The following SCFD2 variants were observed in gnomAD, a reference collection of about 807,000 sequenced individuals.
The protein encoded by SCFD2 is sec1 family domain-containing protein 2.
SCFD2 carries 54 observed loss-of-function variants against 58.9 expected under a neutral mutation model. That is an observed-to-expected ratio of 0.92 (90% confidence interval 0.74 to 1.15). The LOEUF (loss-of-function observed/expected upper bound fraction) is 1.15, where lower values mean the gene tolerates loss of function less well. SCFD2 is among the 50% of genes most tolerant of loss of function. The pLI is 0.00. For missense variants in SCFD2, 805 were observed against 836.6 expected (o/e 0.96, Z 0.47); for synonymous variants, 321 against 335.9 (o/e 0.96, Z 0.49).
At chr4:52,976,485 C>T (rs1721263684) in intron 5 of SCFD2, among the ~76,000 whole-genome samples, 1 of 152,142 alleles carries the variant, frequency 6.6e-6, no homozygotes, top group Non-Finnish European at 1.5e-5. Context: ...ATCTACCTCA[C>T]AGGGATTCAC....
chr4:53,249,503 G>A (rs933677198), intron 4 of SCFD2, among the ~76,000 whole-genome samples: 2 of 152,126 alleles, frequency 1.3e-5, no homozygotes, highest in Non-Finnish European at 2.9e-5. Flanking sequence ...ACACATAATT[G>A]TCAGATTCAC....
At chr4:53,311,885 C>T (rs1051891360) in intron 3 of SCFD2, among the ~76,000 whole-genome samples, 16 of 152,100 alleles carry the variant, frequency 1.1e-4, no homozygotes, top group East Asian at 5.8e-4. Context: ...CCGCCTGCCT[C>T]GGCCTCCCAA....
intron 7 of SCFD2, among the ~76,000 whole-genome samples, chr4:52,886,384 C>T (rs1169813248): frequency 6.6e-6 from 1 of 152,226 alleles, no homozygotes; most frequent in Non-Finnish European, 1.5e-5. Flanking sequence ...CAATAAAATT[C>T]TTCTCCACGC....
At chr4:53,255,698 A>G (rs1730587488) in intron 4 of SCFD2, among the ~76,000 whole-genome samples, 1 of 152,158 alleles carries the variant, frequency 6.6e-6, no homozygotes, top group African/African-American at 2.4e-5. Flanking sequence ...CTCCATTGTC[A>G]TCATGGCCCG....
intron 5 of SCFD2, among the ~76,000 whole-genome samples, chr4:53,028,145 G>T (rs1475123646): frequency 1.3e-5 from 2 of 152,010 alleles, no homozygotes; most frequent in African/African-American, 4.8e-5. Context: ...TACTTAGGAG[G>T]CTGAGGCATG....
chr4:53,256,261 CAGAGGCGCTCCT>C (rs1209726058), intron 4 of SCFD2, among the ~76,000 whole-genome samples: 4 of 122,768 alleles, frequency 3.3e-5, no homozygotes, highest in African/African-American at 9.3e-5. Flanking sequence ...GGCAGCCGGG[CAGAGGCGCTCCT>C]CACATCCCAG....
intron 5 of SCFD2, among the ~76,000 whole-genome samples, chr4:53,099,796 C>G (rs1191613691): frequency 6.6e-6 from 1 of 152,150 alleles, no homozygotes; most frequent in Non-Finnish European, 1.5e-5. Flanking sequence ...TAGGGACTAC[C>G]TCCAACACCG....
At chr4:53,009,178 T>A (rs1722043480) in intron 5 of SCFD2, among the ~76,000 whole-genome samples, 1 of 152,224 alleles carries the variant, frequency 6.6e-6, no homozygotes, top group African/African-American at 2.4e-5. Context: ...CAGTATTGAT[T>A]GGCTCTAGAA....
chr4:53,348,229 A>G (rs1315209991), intron 2 of SCFD2, among the ~76,000 whole-genome samples: 1 of 152,250 alleles, frequency 6.6e-6, no homozygotes, highest in Non-Finnish European at 1.5e-5. Context: ...ATTGCTATAA[A>G]CAGCCTTTTA....
At chr4:53,154,817 T>A (rs534935114) in intron 4 of SCFD2, among the ~76,000 whole-genome samples, 22 of 149,250 alleles carry the variant, frequency 1.5e-4, no homozygotes, top group South Asian at 1.1e-3. Context: ...AATAGAGGAC[T>A]TTTCCTGGCT....
intron 5 of SCFD2, among the ~76,000 whole-genome samples, chr4:53,045,100 T>C (rs994078804): frequency 1.3e-5 from 2 of 152,168 alleles, no homozygotes; most frequent in African/African-American, 4.8e-5. Context: ...GATGACAAAG[T>C]GTGATCCCCA....
intron 4 of SCFD2, among the ~76,000 whole-genome samples, chr4:53,199,492 A>G (rs1348035625): frequency 6.6e-6 from 1 of 152,146 alleles, no homozygotes; most frequent in Non-Finnish European, 1.5e-5. Flanking sequence ...ATCATTGTTT[A>G]TTCATAACTA....
intron 2 of SCFD2, among the ~76,000 whole-genome samples, chr4:53,324,467 T>G (rs967562409): frequency 9.9e-5 from 13 of 131,034 alleles, no homozygotes; most frequent in African/African-American, 3.7e-4. Context: ...GGGACAGAAA[T>G]GACTGTCAAA....
At chr4:53,184,624 T>C (rs938467426) in intron 4 of SCFD2, among the ~76,000 whole-genome samples, 1 of 152,074 alleles carries the variant, frequency 6.6e-6, no homozygotes, top group African/African-American at 2.4e-5. Context: ...CCTAGCAAAT[T>C]TAACTAATAT....
intron 5 of SCFD2, among the ~76,000 whole-genome samples, chr4:53,071,730 T>C (rs535081108): frequency 1.3e-5 from 2 of 152,144 alleles, no homozygotes; most frequent in South Asian, 4.2e-4. Context: ...TCCTCCAGTT[T>C]TGTAAAAAAA....
chr4:53,137,794 G>C (rs929448636), intron 5 of SCFD2, among the ~76,000 whole-genome samples: 11 of 152,318 alleles, frequency 7.2e-5, no homozygotes, highest in African/African-American at 2.6e-4. Flanking sequence ...TTCCAAAGTA[G>C]TTTTTTGTGT....
At chr4:52,948,858 C>T (rs1720512332) in intron 5 of SCFD2, 1 of 184,138 alleles carries the variant, frequency 5.4e-6, no homozygotes, top group East Asian at 1.6e-4. Flanking sequence ...TCTCCCACAT[C>T]CCGCCTTCTA....
At chr4:53,286,229 A>G (rs900800377) in intron 3 of SCFD2, among the ~76,000 whole-genome samples, 21 of 152,244 alleles carry the variant, frequency 1.4e-4, no homozygotes, top group African/African-American at 4.3e-4. Context: ...AGCTTAGCCC[A>G]GGGGAATACC....
chr4:52,920,636 G>A, intron 6 of SCFD2, 89 bp downstream of exon 6: 1 of 922,814 alleles, frequency 1.1e-6, no homozygotes. Flanking sequence ...TTGGTTTTAG[G>A]AAGGTTAAAA....
Sources: allele counts gnomAD v4.1 joint callset (sites outside exome capture counted in the v4.1 genomes callset), GRCh38; gene constraint gnomAD v4.1.1; transcripts MANE v1.5; gene names NCBI Gene and HGNC (gene_info 2026-07-23, HGNC 2026-07-21).